Variants in ARSG observed in about 807,000 individuals in gnomAD.
ARSG encodes ASG.
ARSG carries 37 observed loss-of-function variants against 50.5 expected under a neutral mutation model. The observed-to-expected ratio is 0.73, with a 90% CI of 0.56 to 0.96. The LOEUF (loss-of-function observed/expected upper bound fraction) is 0.96. ARSG is among the 50% of genes least tolerant of loss of function. The pLI, the probability that ARSG is intolerant of heterozygous loss-of-function variation, is 0.00. For synonymous variants in ARSG, 225 were observed against 254.6 expected, an observed-to-expected ratio of 0.88 and a Z score of 1.11; for missense variants, 629 against 675.3, an observed-to-expected ratio of 0.93 and a Z score of 0.76.
At chr17:68,282,574 G>T (rs2075726883) in intron 1 of ARSG, among the ~76,000 whole-genome samples, 1 of 151,796 alleles carries the variant, frequency 6.6e-6, no homozygotes, top group Admixed American at 6.6e-5. Flanking sequence ...TGAGGCTGGA[G>T]GATTGCTTGA....
At chr17:68,341,245 C>CGTTTTTT (rs773321854) in intron 2 of ARSG, among the ~76,000 whole-genome samples, 1 of 152,076 alleles carries the variant, frequency 6.6e-6, no homozygotes, top group Non-Finnish European at 1.5e-5. Flanking sequence ...TTTGTTTCAG[C>CGTTTTTT]GTTTTTTGTT....
the ARSG span, among the ~76,000 whole-genome samples, chr17:68,439,440 A>C: frequency 6.6e-6 from 1 of 152,166 alleles, no homozygotes; most frequent in Non-Finnish European, 1.5e-5. Context: ...TCCATAATCT[A>C]ATAGAGACAG....
intron 11 of ARSG, among the ~76,000 whole-genome samples, chr17:68,409,681 G>A (rs1005121784): frequency 2.4e-3 from 362 of 148,476 alleles, no homozygotes; most frequent in Non-Finnish European, 3.9e-3. Context: ...AGCTTGATGG[G>A]GATGGCATTG....
At position 68,367,973 on chromosome 17, in the gene ARSG, G is replaced by A. The variant is rs75562370; in HGVS notation, c.705-575G>A. On this transcript the variant is annotated intron_variant, in intron 6 of 11. Coordinates refer to ENST00000621439, the MANE Select transcript of ARSG (RefSeq NM_001267727.2). This position sits in a 1 kb window ranked among gnomAD's most constrained non-coding sequence, Gnocchi z 4.5. Reference sequence around the variant, plus strand: ...TAATTCCAGCTACTCAGGAGGCTGAGGCGGGAGTATCGCTTGAACCCAGGA... The same window carrying A: ...TAATTCCAGCTACTCAGGAGGCTGAAGCGGGAGTATCGCTTGAACCCAGGA... 6.6e-6 allele frequency among the ~76,000 whole-genome samples: 1 copy of A among 152,188 alleles called. No homozygotes were observed. Among genetic ancestry groups the A allele is most frequent in the Non-Finnish European group, 1.5e-5 (1 of 68,040 alleles).
chr17:68,363,509 C>T (rs562343937), intron 6 of ARSG, among the ~76,000 whole-genome samples: 37 of 151,922 alleles, frequency 2.4e-4, no homozygotes, highest in Non-Finnish European at 4.4e-4. Context: ...CTCTCGTTGC[C>T]CAGGCTGGAG....
At chr17:68,286,102 G>A (rs188967297) in intron 1 of ARSG, among the ~76,000 whole-genome samples, 184 of 152,194 alleles carry the variant, frequency 1.2e-3, no homozygotes, top group African/African-American at 4.1e-3. Context: ...CATGTGGACC[G>A]GGCTGTGGGT....
At chr17:68,421,809 G>C (rs146678987), downstream of ARSG, 58 of 1,613,982 alleles carry the variant, frequency 3.6e-5, no homozygotes, top group Non-Finnish European at 4.7e-5. Flanking sequence ...GATTTCCACG[G>C]CACAAGATTA....
chr17:68,444,632 C>A, the ARSG span: 19 of 1,538,014 alleles, frequency 1.2e-5, no homozygotes, highest in East Asian at 4.1e-4. Flanking sequence ...CCGTTCCTTA[C>A]AAAGACCCTG....
chr17:68,338,993 C>G (rs2078149149), intron 2 of ARSG, among the ~76,000 whole-genome samples: 1 of 152,176 alleles, frequency 6.6e-6, no homozygotes, highest in Non-Finnish European at 1.5e-5. Context: ...AAATCAGTAG[C>G]TTTCTCTCCT....
chr17:68,277,636 G>A (rs2075567248), intron 1 of ARSG, among the ~76,000 whole-genome samples: 1 of 152,074 alleles, frequency 6.6e-6, no homozygotes, highest in Non-Finnish European at 1.5e-5. Context: ...CGCCATGTTG[G>A]CCAGCCTGGT....
chr17:68,427,322 G>A (rs554924420), downstream of ARSG: 17 of 1,204,946 alleles, frequency 1.4e-5, 1 homozygote, highest in Middle Eastern at 1.9e-4. Flanking sequence ...ACCTTCCAAA[G>A]GAAAAGCATG....
chr17:68,355,414 A>G (rs1468151284), intron 5 of ARSG, among the ~76,000 whole-genome samples: 1 of 152,220 alleles, frequency 6.6e-6, no homozygotes, highest in East Asian at 1.9e-4. Flanking sequence ...GCTGTAGTAC[A>G]ATGGCGCAAT....
In ARSG at chr17:68,261,997, C is replaced by CA. The variant is rs543122760; in HGVS notation, c.-552+2581dup. On this transcript the variant is annotated intron_variant, in intron 1 of 11. Transcript: ENST00000448504. Reference sequence around the variant, plus strand: ...CGAAACCCCATCTCTACTAAAAATACAAAAAAAAAATGAGCTGGGTGTGGT... The same window carrying CA: ...CGAAACCCCATCTCTACTAAAAATACAAAAAAAAAAATGAGCTGGGTGTGGT... 1.9e-3 allele frequency among the ~76,000 whole-genome samples: 285 copies of CA among 146,450 alleles called. 2 individuals are homozygous for CA. The highest frequency in any genetic ancestry group is 6.3e-3 in the South Asian group (29 of 4,632).
chr17:68,375,058 C>A (rs572758344), intron 8 of ARSG, among the ~76,000 whole-genome samples: 4 of 152,030 alleles, frequency 2.6e-5, no homozygotes, highest in Non-Finnish European at 5.9e-5. Flanking sequence ...AAGCCCCAGC[C>A]GCAAGGAATA....
chr17:68,409,313 G>C (rs1163079711), intron 11 of ARSG, among the ~76,000 whole-genome samples: 35 of 148,294 alleles, frequency 2.4e-4, no homozygotes, highest in Non-Finnish European at 4.0e-4. Flanking sequence ...GTGTAAGGAA[G>C]GGATCCAGTT....
At chr17:68,434,259 CA>C in the ARSG span, among the ~76,000 whole-genome samples, 61 of 152,252 alleles carry the variant, frequency 4.0e-4, no homozygotes, top group African/African-American at 1.3e-3. Context: ...GGAAGGAAAT[CA>C]GAAATTATTT....
chr17:68,364,460 G>A (rs368556652), intron 6 of ARSG, among the ~76,000 whole-genome samples: 31 of 152,142 alleles, frequency 2.0e-4, no homozygotes, highest in African/African-American at 6.0e-4. Flanking sequence ...TGCAACCTCC[G>A]CCTCCTGGGT....
chr17:68,382,768 G>A (rs1455661541), intron 8 of ARSG, among the ~76,000 whole-genome samples: 1 of 152,176 alleles, frequency 6.6e-6, no homozygotes, highest in African/African-American at 2.4e-5. Context: ...ACAATTGCCT[G>A]TTCACACTCT....
rs1035906236 is a variant in ARSG, at chr17:68,378,406, G to A, written c.983-6658G>A. ...TTCCCTTTCCTTTCCTGGCCGAGCCGCCCAGCTCAGCTGATGGGATGAGGC... is the reference window on the plus strand; with the variant it reads ...TTCCCTTTCCTTTCCTGGCCGAGCCACCCAGCTCAGCTGATGGGATGAGGC... On this transcript the variant is annotated intron_variant, in intron 8 of 11. Transcript: ENST00000621439. This position sits in a 1 kb window ranked among gnomAD's most constrained non-coding sequence, Gnocchi z 4.4. Among the ~76,000 whole-genome samples the A allele has an allele frequency of 2.0e-5, 3 of 152,134 alleles. No homozygotes were observed. Among genetic ancestry groups the A allele is most frequent in the African/African-American group, 4.8e-5 (2 of 41,422 alleles).
Sources: gnomAD v4.1 joint callset for allele counts (sites outside exome capture counted in the v4.1 genomes callset) on GRCh38, gnomAD v4.1.1 for gene constraint, Gnocchi (gnomAD v3.1) non-coding constraint, MANE v1.5 for transcripts, NCBI Gene and HGNC (gene_info 2026-07-23, HGNC 2026-07-21) for gene names.